Variants in GREM2 observed in about 807,000 individuals in gnomAD.
The protein encoded by GREM2 is gremlin-2.
Under a neutral mutation model 14.2 loss-of-function variants are expected in GREM2, and 11 were observed. That is an observed-to-expected ratio of 0.78 (90% confidence interval 0.49 to 1.28). The LOEUF (loss-of-function observed/expected upper bound fraction) is 1.28, where lower values mean the gene tolerates loss of function less well. GREM2 is among the 50% of genes most tolerant of loss of function. The pLI, the probability that GREM2 is intolerant of heterozygous loss-of-function variation, is 0.00. For missense variants in GREM2, 210 were observed against 218.5 expected, an observed-to-expected ratio of 0.96 and a Z score of 0.24; for synonymous variants, 98 against 97.6, an observed-to-expected ratio of 1.00 and a Z score of -0.02.
At chr1:240,496,852 A>G (rs1457981851) in intron 1 of GREM2, among the ~76,000 whole-genome samples, 1 of 152,160 alleles carries the variant, frequency 6.6e-6, no homozygotes, top group East Asian at 1.9e-4. Flanking sequence ...TCTACTAAAA[A>G]TACAAAAAAA....
intron 1 of GREM2, among the ~76,000 whole-genome samples, chr1:240,571,530 T>C (rs1277882183): frequency 6.6e-6 from 1 of 151,800 alleles, no homozygotes. Flanking sequence ...CCCATCTCTA[T>C]TAAAAATACA....
chr1:240,516,655 TAATC>T (rs778807810), intron 1 of GREM2, among the ~76,000 whole-genome samples: 38 of 152,200 alleles, frequency 2.5e-4, no homozygotes, highest in Non-Finnish European at 2.1e-4. Context: ...TCTCAGGTTG[TAATC>T]TCTTGTCTAG....
chr1:240,549,715 T>C (rs533222625), intron 1 of GREM2, among the ~76,000 whole-genome samples: 1 of 151,906 alleles, frequency 6.6e-6, no homozygotes, highest in Non-Finnish European at 1.5e-5. Context: ...TTGGAGACAG[T>C]GAGAAAGATG....
intron 1 of GREM2, among the ~76,000 whole-genome samples, chr1:240,538,760 T>C (rs1294297882): frequency 6.6e-6 from 1 of 152,068 alleles, no homozygotes. Flanking sequence ...TTTAGAACCA[T>C]GTTTGGTAAA....
intron 1 of GREM2, among the ~76,000 whole-genome samples, chr1:240,519,674 T>C (rs533073784): frequency 2.0e-5 from 3 of 152,326 alleles, no homozygotes; most frequent in African/African-American, 7.2e-5. Context: ...GTCTACTCTG[T>C]ACTGGGGATA....
At position 240,505,926 on chromosome 1, in the gene GREM2, AG is replaced by A. The variant is rs1209716560; in HGVS notation, c.-1-12451del. ...AAGTGTATAATAGTGGGTATAAAATAGCAATGGTATTTATATTCCTCTGGAG... is the reference window on the plus strand; with the variant it reads ...AAGTGTATAATAGTGGGTATAAAATACAATGGTATTTATATTCCTCTGGAG... On this transcript the variant is annotated intron_variant, in intron 1 of 1. Transcript: ENST00000318160. Among the ~76,000 whole-genome samples the A allele has an allele frequency of 4.6e-5, 7 of 152,232 alleles. No individual in the cohort carries two copies. In the East Asian group the frequency reaches 1.4e-3, roughly 29 times the overall value.
At chr1:240,579,988 A>G (rs957859493) in intron 1 of GREM2, among the ~76,000 whole-genome samples, 2 of 152,308 alleles carry the variant, frequency 1.3e-5, no homozygotes, top group African/African-American at 4.8e-5. Flanking sequence ...AGACATACAT[A>G]TGCGTTTGTC....
At chr1:240,493,721 G>C (rs993187688) in intron 1 of GREM2, among the ~76,000 whole-genome samples, 1 of 151,890 alleles carries the variant, frequency 6.6e-6, no homozygotes, top group Non-Finnish European at 1.5e-5. Context: ...TGTAGAGACG[G>C]GATCTCACCA....
At chr1:240,582,562 G>T (rs767464900) in intron 1 of GREM2, among the ~76,000 whole-genome samples, 1 of 151,968 alleles carries the variant, frequency 6.6e-6, no homozygotes, top group African/African-American at 2.4e-5. Flanking sequence ...TTGGGAGGCC[G>T]AGACAGGTGG....
In GREM2 at chr1:240,508,341, G is replaced by T. The variant is rs546469629; in HGVS notation, c.-1-14865C>A. 3.9e-5 allele frequency among the ~76,000 whole-genome samples: 6 copies of T among 152,298 alleles called. No individual in the cohort carries two copies. The East Asian group carries it at 1.2e-3, about 29-fold the overall frequency. ...CCAGAATATAACTGATATTTGAGAA[G>T]GGGAACGTCTGGGAGGTTAGGAGAA... On this transcript the variant is annotated intron_variant, in intron 1 of 1. Transcript: ENST00000318160.
intron 1 of GREM2, among the ~76,000 whole-genome samples, chr1:240,525,557 C>T (rs1290255459): frequency 1.3e-5 from 2 of 152,038 alleles, no homozygotes; most frequent in African/African-American, 4.8e-5. Flanking sequence ...TGTCTCACTG[C>T]AACCTCCGCC....
intron 1 of GREM2, among the ~76,000 whole-genome samples, chr1:240,585,278 G>A (rs1679571931): frequency 6.6e-6 from 1 of 152,096 alleles, no homozygotes; most frequent in Non-Finnish European, 1.5e-5. Flanking sequence ...TTAGGACCTT[G>A]CCACCATAGG....
intron 1 of GREM2, among the ~76,000 whole-genome samples, chr1:240,581,265 A>T (rs1679478913): frequency 6.6e-6 from 1 of 151,910 alleles, no homozygotes; most frequent in Non-Finnish European, 1.5e-5. Flanking sequence ...AAAAAAAAAA[A>T]AGAGCATAAA....
chr1:240,517,231 TA>T (rs1218771009), intron 1 of GREM2, among the ~76,000 whole-genome samples: 1 of 152,238 alleles, frequency 6.6e-6, no homozygotes, highest in South Asian at 2.1e-4. Flanking sequence ...TTTTCCCAAA[TA>T]TATCACAATT....
chr1:240,610,295 G>GA (rs928908123), intron 1 of GREM2, among the ~76,000 whole-genome samples: 1 of 142,710 alleles, frequency 7.0e-6, no homozygotes, highest in Non-Finnish European at 1.6e-5. Context: ...GATGTAAAAG[G>GA]AAAAAAAATT....
intron 1 of GREM2, among the ~76,000 whole-genome samples, chr1:240,495,847 G>A (rs1263300670): frequency 1.3e-5 from 2 of 152,190 alleles, no homozygotes; most frequent in African/African-American, 4.8e-5. Context: ...TATTCATCAA[G>A]TATCCATGGA....
At chr1:240,567,176 A>G (rs188570436) in intron 1 of GREM2, among the ~76,000 whole-genome samples, 1 of 152,306 alleles carries the variant, frequency 6.6e-6, no homozygotes, top group Admixed American at 6.5e-5. Context: ...TAATTTTAAA[A>G]AATACAAAGA....
At chr1:240,600,296 A>C (rs969392376) in intron 1 of GREM2, among the ~76,000 whole-genome samples, 2 of 152,030 alleles carry the variant, frequency 1.3e-5, no homozygotes, top group African/African-American at 4.8e-5. Flanking sequence ...TGTATCATGG[A>C]GTGGAGAAAG....
intron 1 of GREM2, among the ~76,000 whole-genome samples, chr1:240,565,294 T>C (rs1374348999): frequency 6.6e-6 from 1 of 152,182 alleles, no homozygotes; most frequent in Non-Finnish European, 1.5e-5. Context: ...TCTTCACTTA[T>C]GAAATGGTAA....
Sources: gnomAD v4.1 joint callset for allele counts (sites outside exome capture counted in the v4.1 genomes callset) on GRCh38, gnomAD v4.1.1 for gene constraint, MANE v1.5 for transcripts, NCBI Gene and HGNC (gene_info 2026-07-23, HGNC 2026-07-21) for gene names.